The following HELQ variants were observed in gnomAD, a reference collection of about 807,000 sequenced individuals.
HELQ encodes helicase, POLQ like, also known as helicase POLQ-like.
HELQ carries 77 observed loss-of-function variants against 111.6 expected under a neutral mutation model. The observed-to-expected ratio is 0.69, with a 90% confidence interval of 0.57 to 0.83. The LOEUF is 0.83. Ranked by LOEUF, HELQ falls within the 40% of genes least tolerant of loss-of-function variation. HELQ has a pLI of 0.00. For synonymous variants in HELQ, 438 were observed against 454.7 expected, an observed-to-expected ratio of 0.96 and a Z score of 0.47; for missense variants, 1,200 against 1,288.5, an observed-to-expected ratio of 0.93 and a Z score of 1.05.
chr4:83,455,301 A>ACGAGAGAAGTAAACGAAGG, intron 1 of HELQ, 96 bp downstream of exon 1: 1 of 1,540,776 alleles, frequency 6.5e-7, no homozygotes, highest in Non-Finnish European at 8.8e-7. Flanking sequence ...GGTAACGAAG[A>ACGAGAGAAGTAAACGAAGG]CGAGAGAAGT....
chr4:83,444,549 A>G (rs1357042376), intron 5 of HELQ, among the ~76,000 whole-genome samples: 1 of 152,120 alleles, frequency 6.6e-6, no homozygotes, highest in African/African-American at 2.4e-5. Context: ...GTTTTAAATA[A>G]AGGTGGAGTG....
At chr4:83,445,197 T>C (rs1328039841) in intron 5 of HELQ, among the ~76,000 whole-genome samples, 1 of 152,182 alleles carries the variant, frequency 6.6e-6, no homozygotes, top group Non-Finnish European at 1.5e-5. Flanking sequence ...TAAGCCTTAG[T>C]TAGGCTTAGC....
chr4:83,439,806 C>T (rs1205461725), intron 8 of HELQ, 57 bp downstream of exon 8: 4 of 1,139,728 alleles, frequency 3.5e-6, no homozygotes, highest in Non-Finnish European at 5.1e-6. Flanking sequence ...AAAATTAATA[C>T]ATAGTCTGTA....
In HELQ at chr4:83,453,797, C is replaced by G; in HGVS notation, c.446G>C (p.Cys149Ser). Reference sequence around the variant, plus strand: ...GAGTTTGTTTTTGATACTTTCCGAGCAAAGATTTTCAGTGGCAAAGTCTGT... The same window carrying G: ...GAGTTTGTTTTTGATACTTTCCGAGGAAAGATTTTCAGTGGCAAAGTCTGT... ...HATDFATENL[C>S]SESIKNKLSI... Residue 149 changes from cysteine (C) to serine (S), a missense_variant, in exon 2 of 18, where the codon TGC becomes TCC. By Grantham distance (112) the Cys-to-Ser change is moderately radical. Transcript: ENST00000295488. The G allele has an allele frequency of 1.2e-6, 2 of 1,614,066 alleles. No individual in the cohort carries two copies. The highest frequency in any genetic ancestry group is 2.2e-5 in the South Asian group (2 of 91,074).
chr4:83,408,779 A>C (rs970831702), intron 17 of HELQ, among the ~76,000 whole-genome samples: 4 of 151,976 alleles, frequency 2.6e-5, no homozygotes, highest in Non-Finnish European at 4.4e-5. Context: ...GAAAAAAAAA[A>C]CACATGAACA....
rs1283876057 is a variant in HELQ, at chr4:83,455,666, G to C, written c.28C>G (p.Arg10Gly). The part of the protein sequence containing the change: MDECGSRIR[R>G]RVSLPKRNRP... The stretch of plus-strand genomic sequence containing the variant: ...TTCCTTTTGGGGAGAGACACCCGCC[G>C]GCGGATGCGGGAACCACATTCATCC... Residue 10 changes from arginine to glycine, a missense_variant, in exon 1 of 18, where the codon CGG (arginine) becomes GGG (glycine). Physicochemically the swap from Arg to Gly is moderately radical, Grantham distance 125. Around this residue, in one of 3 missense-constraint regions of HELQ, gnomAD observed 610 missense variants for 607.1 expected, o/e 1.00. Transcript: ENST00000295488. 6.2e-7 allele frequency: 1 copy of C among 1,610,470 alleles called. No homozygotes were observed. The highest frequency in any genetic ancestry group is 8.5e-7 in the Non-Finnish European group (1 of 1,179,926).
chr4:83,454,120 T>C (rs1721579513), intron 1 of HELQ, among the ~76,000 whole-genome samples, 175 bp from the exon 2 acceptor site: 2 of 152,144 alleles, frequency 1.3e-5, no homozygotes, highest in Admixed American at 1.3e-4. Flanking sequence ...GGAGAATTGC[T>C]TGAACCTGGG....
chr4:83,447,121 G>A, intron 3 of HELQ, 86 bp from the exon 4 acceptor site: 1 of 809,422 alleles, frequency 1.2e-6, no homozygotes, highest in Non-Finnish European at 2.0e-6. Context: ...GCTGAGGCGG[G>A]AAGATCACTT....
At chr4:83,436,781 A>G in intron 9 of HELQ, 77 bp downstream of exon 9, 2 of 1,463,194 alleles carry the variant, frequency 1.4e-6, no homozygotes, top group Non-Finnish European at 1.9e-6. Context: ...CTACTGAGAA[A>G]GCATAAAACA....
At chr4:83,436,448 C>T (rs568074265) in intron 9 of HELQ, among the ~76,000 whole-genome samples, 1 of 152,032 alleles carries the variant, frequency 6.6e-6, no homozygotes, top group South Asian at 2.1e-4. Flanking sequence ...AATCAAGGGC[C>T]TGCTTTAAAA....
Position 83,416,606 on chromosome 4 carries a change from T to A in HELQ, c.3198+125A>T. 3 of 939,928 alleles carry A rather than the reference T, an allele frequency of 3.2e-6. No homozygotes were observed. In the East Asian group the frequency reaches 7.8e-5, roughly 24 times the overall value. The allele number at this position is 939,928 out of a possible 1,614,324, so 58.2% of individuals were successfully genotyped here. On this transcript the variant is annotated intron_variant, in intron 17 of 17. Coordinates refer to ENST00000295488, the MANE Select transcript of HELQ (RefSeq NM_133636.5). ...TTATTTTTACTCACAAATAAGAGTA[T>A]GTACTTTTGTATCTATAGAAATAAA...
intron 11 of HELQ, 23 bp downstream of exon 11, chr4:83,431,641 G>T: frequency 7.8e-7 from 1 of 1,276,760 alleles, no homozygotes; most frequent in South Asian, 1.3e-5. Flanking sequence ...ACAGTAATAA[G>T]ATAAAAAATT....
chr4:83,446,905 C>T lies in HELQ; in HGVS notation c.1322G>A (p.Gly441Glu). Residue 441 changes from glycine (G) to glutamate (E), a missense_variant, in exon 4 of 18, where the codon GGA becomes GAA. By Grantham distance (98) the Gly-to-Glu change is moderately conservative. Around this residue, in one of 3 missense-constraint regions of HELQ, gnomAD observed 610 missense variants for 607.1 expected, o/e 1.00. Transcript: ENST00000295488. ...KSLYIATIEK[G>E]HSLVNSLIET... ...AATCAAGGAGTTCACCAAGCTATGTCCTTTTTCAATAGTGGCAATATAGAG... is the reference window on the plus strand; with the variant it reads ...AATCAAGGAGTTCACCAAGCTATGTTCTTTTTCAATAGTGGCAATATAGAG... 1 of 1,613,432 alleles carries T rather than the reference C, an allele frequency of 6.2e-7. No homozygotes were observed.
Position 83,446,968 on chromosome 4 carries a change from C to T in HELQ, c.1259G>A (p.Gly420Glu), listed in dbSNP as rs1721080876. ...FFVEEYAGSK[G>E]RFPPTKRREK... ...CCTTCTTTTAGTTGGAGGAAATCTT[C>T]CTTTGCTTCCAGCATATTCTTCAAC... Residue 420 changes from glycine to glutamate, a missense_variant, in exon 4 of 18, where the codon GGA (glycine) becomes GAA (glutamate). Transcript: ENST00000295488. 1.2e-6 allele frequency: 2 copies of T among 1,613,466 alleles called. No individual in the cohort carries two copies. The highest frequency in any genetic ancestry group is 8.5e-7 in the Non-Finnish European group (1 of 1,179,524).
At chr4:83,411,431 G>T (rs1433292070) in intron 17 of HELQ, among the ~76,000 whole-genome samples, 1 of 150,438 alleles carries the variant, frequency 6.6e-6, no homozygotes, top group Non-Finnish European at 1.5e-5. Context: ...GCAGCATGGT[G>T]AAAAATAAAT....
intron 17 of HELQ, among the ~76,000 whole-genome samples, chr4:83,409,548 T>G (rs1229078507): frequency 6.9e-6 from 1 of 145,540 alleles, no homozygotes; most frequent in Non-Finnish European, 1.5e-5. Flanking sequence ...AGCGATACTC[T>G]GTCTCAAAAA....
chr4:83,416,758 T>C lies in HELQ; in HGVS notation c.3171A>G (p.Gln1057=), dbSNP rs1320129658. ...VRTIDHLSRR[Q]AKQIVSSAKM... is the part of the protein sequence containing the mutation. Reference sequence around the variant, plus strand: ...TTGCTGATGAAACAATTTGCTTGGCTTGGCGTCTTGATAAATGATCAATTG... The same window carrying C: ...TTGCTGATGAAACAATTTGCTTGGCCTGGCGTCTTGATAAATGATCAATTG... The change falls in exon 17 of 18, where the codon CAA becomes CAG. Residue 1057 remains glutamine, a synonymous_variant. Coordinates refer to ENST00000295488, the MANE Select transcript of HELQ (RefSeq NM_133636.5). 1 of 1,613,004 alleles carries C rather than the reference T, an allele frequency of 6.2e-7. No individual in the cohort carries two copies. The highest frequency in any genetic ancestry group is 1.7e-5 in the Admixed American group (1 of 59,678).
intron 13 of HELQ, among the ~76,000 whole-genome samples, chr4:83,427,150 GA>G (rs768951189): frequency 2.0e-5 from 3 of 152,188 alleles, no homozygotes; most frequent in Non-Finnish European, 4.4e-5. Context: ...TTTCTGTGGG[GA>G]AATAGGACCA....
At chr4:83,448,744 G>A in intron 3 of HELQ, 39 bp downstream of exon 3, 2 of 1,516,024 alleles carry the variant, frequency 1.3e-6, no homozygotes, top group South Asian at 2.4e-5. Flanking sequence ...CAAAGTACTA[G>A]CAAATAACAT....
Sources: gnomAD v4.1 joint callset for allele counts (sites outside exome capture counted in the v4.1 genomes callset) on GRCh38, gnomAD v4.1.1 for gene constraint, gnomAD v4.1.1 regional missense constraint, MANE v1.5 for transcripts, NCBI Gene and HGNC (gene_info 2026-07-23, HGNC 2026-07-21) for gene names.